The following TRPM6 variants were observed in gnomAD, a reference collection of about 807,000 sequenced individuals.
TRPM6 encodes transient receptor potential cation channel subfamily M member 6, also known as channel kinase 2.
Under a neutral mutation model 247.6 loss-of-function variants are expected in TRPM6, and 111 were observed. The observed-to-expected ratio is 0.45, with a 90% CI of 0.38 to 0.52. TRPM6 has a LOEUF of 0.52. Ranked by LOEUF, TRPM6 falls within the 20% of genes least tolerant of loss-of-function variation. The probability of loss-of-function intolerance (pLI) is 0.00; values close to 1 mark genes in which losing one functional copy is unlikely to be tolerated. For missense variants in TRPM6, 2,126 were observed against 2,421.5 expected, an observed-to-expected ratio of 0.88 and a Z score of 2.56; for synonymous variants, 892 against 853.8, an observed-to-expected ratio of 1.04 and a Z score of -0.78.
Position 74,771,840 on chromosome 9 carries a change from A to G in TRPM6, c.3404-5T>C, listed in dbSNP as rs981476964. On this transcript the variant is annotated splice_polypyrimidine_tract_variant and splice_region_variant and intron_variant, in intron 24 of 38. Transcript: ENST00000360774. ...CCTCCTTACTGAGGTAGAGTTCTAT[A>G]GAAATAAGTATGAAACACAGAAAGA... 3 of 1,613,478 alleles carry G rather than the reference A, an allele frequency of 1.9e-6. No individual in the cohort carries two copies. Among genetic ancestry groups the G allele is most frequent in the Non-Finnish European group, 2.5e-6 (3 of 1,179,564 alleles).
At chr9:74,756,277 CTT>C (rs1329255460) in intron 27 of TRPM6, among the ~76,000 whole-genome samples, 1 of 152,000 alleles carries the variant, frequency 6.6e-6, no homozygotes, top group Non-Finnish European at 1.5e-5. Context: ...ATACTAATCT[CTT>C]TGCTTCTGCT....
At chr9:74,784,892 A>T (rs1430723068) in intron 21 of TRPM6, among the ~76,000 whole-genome samples, 2 of 152,166 alleles carry the variant, frequency 1.3e-5, no homozygotes, top group African/African-American at 4.8e-5. Flanking sequence ...CAGGAGGATC[A>T]TTTGAGCTCA....
chr9:74,850,248 T>G (rs940028758), intron 3 of TRPM6, among the ~76,000 whole-genome samples: 2 of 151,870 alleles, frequency 1.3e-5, no homozygotes, highest in African/African-American at 4.8e-5. Flanking sequence ...GGCACGTGCC[T>G]GTAATCTCAG....
chr9:74,749,715 C>A (rs1489213823), intron 30 of TRPM6, among the ~76,000 whole-genome samples: 1 of 152,186 alleles, frequency 6.6e-6, no homozygotes, highest in Non-Finnish European at 1.5e-5. Flanking sequence ...AAAGAAAGTA[C>A]AATTACGATT....
chr9:74,738,305 A>G, intron 36 of TRPM6, 102 bp downstream of exon 36: 1 of 1,219,596 alleles, frequency 8.2e-7, no homozygotes, highest in Admixed American at 1.8e-5. Context: ...CTCCCTTCAA[A>G]GCTAAATAGA....
At chr9:74,874,249 A>C (rs536698968) in intron 1 of TRPM6, among the ~76,000 whole-genome samples, 10 of 152,170 alleles carry the variant, frequency 6.6e-5, no homozygotes, top group East Asian at 1.9e-4. Context: ...AACAAAAAAA[A>C]AAAAAAAACA....
chr9:74,877,133 T>C (rs917759529), intron 1 of TRPM6, among the ~76,000 whole-genome samples: 7 of 152,166 alleles, frequency 4.6e-5, no homozygotes, highest in Admixed American at 3.3e-4. Context: ...TGTAAAATAA[T>C]ACAGTTGCTT....
At chr9:74,830,838 C>T (rs147049538) in intron 6 of TRPM6, among the ~76,000 whole-genome samples, 2 of 146,744 alleles carry the variant, frequency 1.4e-5, no homozygotes, top group South Asian at 4.4e-4. Context: ...CTCAAGCAAT[C>T]CGCCGGCCTC....
At chr9:74,786,882 T>C (rs979065877) in intron 20 of TRPM6, among the ~76,000 whole-genome samples, 45 of 152,248 alleles carry the variant, frequency 3.0e-4, no homozygotes, top group African/African-American at 1.1e-3. Context: ...TGCTATTTAG[T>C]GAGTTGTTGA....
At chr9:74,887,801 C>T in intron 1 of TRPM6, 23 bp downstream of exon 1, 1 of 1,614,170 alleles carries the variant, frequency 6.2e-7, no homozygotes, top group Non-Finnish European at 8.5e-7. Context: ...TTGTTCCCCG[C>T]CAGTCGAGCA....
intron 27 of TRPM6, among the ~76,000 whole-genome samples, chr9:74,760,188 C>T (rs144922850): frequency 1.7e-4 from 26 of 152,286 alleles, no homozygotes; most frequent in African/African-American, 6.3e-4. Context: ...ATGCTCTAGG[C>T]CTTTGCATTC....
At chr9:74,724,844 G>C in intron 38 of TRPM6, 98 bp from the exon 39 acceptor site, 1 of 1,470,932 alleles carries the variant, frequency 6.8e-7, no homozygotes, top group Non-Finnish European at 9.4e-7. Flanking sequence ...TGTTCAGAGA[G>C]ATCTCCTCTT....
At chr9:74,833,643 T>C (rs1045702224) in intron 6 of TRPM6, among the ~76,000 whole-genome samples, 1 of 152,234 alleles carries the variant, frequency 6.6e-6, no homozygotes, top group Admixed American at 6.5e-5. Context: ...AAGATGGCTA[T>C]TGCAATCATT....
At chr9:74,755,232 C>CT (rs1826393954) in intron 28 of TRPM6, 121 bp downstream of exon 28, 1 of 1,077,674 alleles carries the variant, frequency 9.3e-7, no homozygotes, top group African/African-American at 1.6e-5. Context: ...AGAGTGTAGC[C>CT]ATCTTCTCTT....
chr9:74,887,667 G>C, intron 1 of TRPM6, 157 bp downstream of exon 1: 1 of 1,599,582 alleles, frequency 6.3e-7, no homozygotes, highest in African/African-American at 1.3e-5. Context: ...GGAGACCAGA[G>C]AACTTGAAAG....
chr9:74,747,170 A>G (rs1262720704), intron 31 of TRPM6, among the ~76,000 whole-genome samples: 1 of 152,230 alleles, frequency 6.6e-6, no homozygotes, highest in Non-Finnish European at 1.5e-5. Context: ...TCAAATGTTA[A>G]TTGCTCTTTC....
At chr9:74,844,573 A>C (rs1830048028) in intron 3 of TRPM6, among the ~76,000 whole-genome samples, 1 of 152,226 alleles carries the variant, frequency 6.6e-6, no homozygotes, top group African/African-American at 2.4e-5. Context: ...CATAGAATTG[A>C]AAAGAGTTAG....
At chr9:74,790,690 T>C (rs1463787125) in intron 19 of TRPM6, among the ~76,000 whole-genome samples, 1 of 152,208 alleles carries the variant, frequency 6.6e-6, no homozygotes, top group Non-Finnish European at 1.5e-5. Context: ...TCGAATTGAA[T>C]GACCTGAATC....
rs762235480 is a variant in TRPM6 at position 74,776,093 on chromosome 9, G to A, written c.3210-17C>T. 1 of 1,599,606 alleles carries A rather than the reference G, an allele frequency of 6.3e-7. No individual in the cohort carries two copies. Among genetic ancestry groups the A allele is most frequent in the South Asian group, 1.1e-5 (1 of 90,672 alleles). ...TAAACGTTGCTGTAAGATGAAGTAA[G>A]AGAGGGACAATGTTTTAATATGAAG... On this transcript the variant is annotated splice_polypyrimidine_tract_variant and intron_variant, in intron 23 of 38. Coordinates refer to ENST00000360774, the MANE Select transcript of TRPM6 (RefSeq NM_017662.5).
Sources: allele counts gnomAD v4.1 joint callset (sites outside exome capture counted in the v4.1 genomes callset), GRCh38; gene constraint gnomAD v4.1.1; transcripts MANE v1.5; gene names NCBI Gene and HGNC (gene_info 2026-07-23, HGNC 2026-07-21).